SGCZ: variants seen among roughly 807,000 people sequenced by gnomAD.
SGCZ encodes the protein sarcoglycan zeta, also known as zeta-sarcoglycan.
Under a neutral mutation model 41.3 loss-of-function variants are expected in SGCZ, and 40 were observed. The ratio of observed to expected loss-of-function variants is 0.97; its 90% CI spans 0.75 to 1.26. The LOEUF (loss-of-function observed/expected upper bound fraction) is 1.26. SGCZ is among the 50% of genes most tolerant of loss of function. The pLI is 0.00. For missense variants in SGCZ, 552 were observed against 369.8 expected (o/e 1.49, Z -4.04); for synonymous variants, 206 against 137.5 (o/e 1.50, Z -3.49).
At chr8:14,149,733 A>T (rs1803640015) in intron 5 of SGCZ, among the ~76,000 whole-genome samples, 1 of 152,036 alleles carries the variant, frequency 6.6e-6, no homozygotes, top group Non-Finnish European at 1.5e-5. Context: ...TATCCTAATC[A>T]AAAAGAATGA....
At chr8:15,204,846 A>T (rs1801009525) in intron 1 of SGCZ, among the ~76,000 whole-genome samples, 1 of 152,208 alleles carries the variant, frequency 6.6e-6, no homozygotes, top group South Asian at 2.1e-4. Flanking sequence ...AGAGAGGGGA[A>T]CTATCTGTAG....
rs569991506 is a variant in SGCZ at position 15,042,819 on chromosome 8, C to T, written c.39+194766G>A. ...TTCCACATCAAACAAGAAGAGTTTT[C>T]GCTCGGTCAAACCCAGGCTTCCCAC... On this transcript the variant is annotated intron_variant, in intron 1 of 7. Transcript: ENST00000382080. 2.8e-4 allele frequency among the ~76,000 whole-genome samples: 42 copies of T among 152,246 alleles called. 1 individual carries two copies. The highest frequency in any genetic ancestry group is 1.7e-3 in the South Asian group (8 of 4,824).
chr8:14,581,795 A>T (rs1804898267), intron 1 of SGCZ, among the ~76,000 whole-genome samples: 1 of 151,946 alleles, frequency 6.6e-6, no homozygotes, highest in Non-Finnish European at 1.5e-5. Context: ...TAGTGAACAA[A>T]AAGAAAACTG....
At chr8:14,902,498 T>C (rs60998093) in intron 1 of SGCZ, among the ~76,000 whole-genome samples, 11,884 of 152,096 alleles carry the variant, frequency 0.078, 631 homozygotes, top group African/African-American at 0.14. Context: ...TGTTTAGGTA[T>C]ATAACCTAAA....
intron 1 of SGCZ, among the ~76,000 whole-genome samples, chr8:14,689,928 C>A (rs1176394798): frequency 2.0e-5 from 3 of 152,120 alleles, no homozygotes; most frequent in African/African-American, 7.2e-5. Context: ...ACGCAGGACA[C>A]TGAAGAAATT....
At chr8:14,444,360 C>G (rs574527261) in intron 2 of SGCZ, among the ~76,000 whole-genome samples, 8 of 152,038 alleles carry the variant, frequency 5.3e-5, no homozygotes, top group Admixed American at 2.6e-4. Context: ...GACACATGCA[C>G]ACGTATGTTT....
At chr8:14,749,874 A>G (rs371253433) in intron 1 of SGCZ, among the ~76,000 whole-genome samples, 37 of 152,190 alleles carry the variant, frequency 2.4e-4, no homozygotes, top group African/African-American at 6.0e-4. Context: ...AAGTAACACT[A>G]TTTAAACCCA....
intron 1 of SGCZ, among the ~76,000 whole-genome samples, chr8:14,836,092 C>T (rs1012846432): frequency 1.3e-5 from 2 of 152,070 alleles, no homozygotes; most frequent in African/African-American, 4.8e-5. Flanking sequence ...GGGACATTCA[C>T]ACATTGCCCC....
chr8:14,262,281 A>G (rs1799701478), intron 3 of SGCZ, among the ~76,000 whole-genome samples: 1 of 152,194 alleles, frequency 6.6e-6, no homozygotes, highest in Admixed American at 6.5e-5. Context: ...ACGTTTTAAT[A>G]GGTAAACTGT....
chr8:14,151,844 TAATG>T (rs1803719328), intron 5 of SGCZ, among the ~76,000 whole-genome samples: 1 of 151,594 alleles, frequency 6.6e-6, no homozygotes, highest in African/African-American at 2.4e-5. Context: ...TAAAAAGAAA[TAATG>T]GAGGAAGAAA....
At chr8:14,876,590 A>C (rs779633299) in intron 1 of SGCZ, among the ~76,000 whole-genome samples, 7 of 152,192 alleles carry the variant, frequency 4.6e-5, no homozygotes, top group Non-Finnish European at 8.8e-5. Context: ...GGTGTATGAA[A>C]TATCTCGCCG....
At chr8:14,515,086 C>T (rs376253907) in intron 2 of SGCZ, among the ~76,000 whole-genome samples, 3 of 151,938 alleles carry the variant, frequency 2.0e-5, no homozygotes, top group Middle Eastern at 3.2e-3. Flanking sequence ...GGAAAATAGG[C>T]CTTTCCTCAT....
At chr8:14,916,326 A>T (rs1346203188) in intron 1 of SGCZ, among the ~76,000 whole-genome samples, 1 of 152,220 alleles carries the variant, frequency 6.6e-6, no homozygotes, top group Non-Finnish European at 1.5e-5. Flanking sequence ...CCCAAATCAC[A>T]TTTCTTACTC....
At chr8:14,816,219 T>G (rs1031901993) in intron 1 of SGCZ, among the ~76,000 whole-genome samples, 4 of 152,234 alleles carry the variant, frequency 2.6e-5, no homozygotes, top group South Asian at 2.1e-4. Context: ...AGATATTCAC[T>G]ACACACGTGT....
intron 1 of SGCZ, among the ~76,000 whole-genome samples, chr8:14,608,185 C>T (rs1805813666): frequency 2.7e-5 from 4 of 150,586 alleles, no homozygotes; most frequent in African/African-American, 9.7e-5. Context: ...CAAAACTCTC[C>T]ATAAGGTGGA....
intron 1 of SGCZ, among the ~76,000 whole-genome samples, chr8:15,173,590 GC>G (rs1235767643): frequency 6.6e-6 from 1 of 152,128 alleles, no homozygotes; most frequent in Non-Finnish European, 1.5e-5. Context: ...CTTTTAAGAT[GC>G]ATTTTTAAAA....
At chr8:14,136,533 G>C (rs977111168) in intron 5 of SGCZ, among the ~76,000 whole-genome samples, 2 of 152,256 alleles carry the variant, frequency 1.3e-5, no homozygotes, top group Non-Finnish European at 1.5e-5. Flanking sequence ...CACACCCAAA[G>C]AGCCTTGCTC....
intron 6 of SGCZ, among the ~76,000 whole-genome samples, chr8:14,104,293 G>T (rs1179884099): frequency 2.0e-5 from 3 of 151,966 alleles, no homozygotes; most frequent in Non-Finnish European, 4.4e-5. Flanking sequence ...TTTCACAGTG[G>T]GTACCTGGGA....
rs190766047 is a variant in SGCZ, at chr8:14,756,288, C to A, written c.40-201362G>T. On this transcript the variant is annotated intron_variant, in intron 1 of 7. Coordinates refer to ENST00000382080, the MANE Select transcript of SGCZ (RefSeq NM_139167.4). Reference sequence around the variant, plus strand: ...ACAATCTCCGCCTCCCACGTTCAAGCGATCCTCCTGCCTCAGCCTCCTGAG... The same window carrying A: ...ACAATCTCCGCCTCCCACGTTCAAGAGATCCTCCTGCCTCAGCCTCCTGAG... Among the ~76,000 whole-genome samples, 7 of 150,940 alleles carry A rather than the reference C, an allele frequency of 4.6e-5. No homozygotes were observed. The East Asian group carries it at 5.9e-4, about 13-fold the overall frequency.
Sources: gnomAD v4.1 joint callset for allele counts (sites outside exome capture counted in the v4.1 genomes callset) on GRCh38, gnomAD v4.1.1 for gene constraint, MANE v1.5 for transcripts, NCBI Gene and HGNC (gene_info 2026-07-23, HGNC 2026-07-21) for gene names.